ZFYVE9: variants seen among roughly 807,000 people sequenced by gnomAD.
ZFYVE9 encodes the protein zinc finger FYVE domain-containing protein 9.
In ZFYVE9, 43 loss-of-function variants were observed where a neutral mutation model predicts 126.7. The ratio of observed to expected loss-of-function variants is 0.34; its 90% CI spans 0.27 to 0.44. The LOEUF (loss-of-function observed/expected upper bound fraction) is 0.44, where lower values mean the gene tolerates loss of function less well. ZFYVE9 is among the 20% of genes least tolerant of loss of function. The pLI is 1.00. For synonymous variants in ZFYVE9, 521 were observed against 597.4 expected (o/e 0.87, Z 1.87); for missense variants, 1,476 against 1,697.0 (o/e 0.87, Z 2.29).
At chr1:52,279,847 G>C (rs1645784693) in intron 9 of ZFYVE9, among the ~76,000 whole-genome samples, 1 of 152,008 alleles carries the variant, frequency 6.6e-6, no homozygotes, top group South Asian at 2.1e-4. Flanking sequence ...AGAACCTCTG[G>C]GGAACCATCC....
intron 1 of ZFYVE9, chr1:52,179,972 A>G (rs1019387954): frequency 1.0e-5 from 10 of 984,806 alleles, no homozygotes; most frequent in Non-Finnish European, 1.1e-5. Context: ...CAGTCGTGAC[A>G]ACATAGGAAG....
intron 13 of ZFYVE9, among the ~76,000 whole-genome samples, chr1:52,309,638 G>T (rs1350365724): frequency 6.6e-6 from 1 of 152,184 alleles, no homozygotes; most frequent in Non-Finnish European, 1.5e-5. Context: ...TGATGGCTTT[G>T]TGGGATGTGA....
intron 2 of ZFYVE9, among the ~76,000 whole-genome samples, chr1:52,231,895 G>A (rs1281957262): frequency 1.3e-5 from 2 of 152,124 alleles, no homozygotes; most frequent in Non-Finnish European, 2.9e-5. Flanking sequence ...GCAAAGTGCT[G>A]GAATTACAGG....
intron 4 of ZFYVE9, among the ~76,000 whole-genome samples, chr1:52,251,066 GTTTGTTTTTTGT>G (rs1245153191): frequency 6.7e-6 from 1 of 149,308 alleles, no homozygotes; most frequent in African/African-American, 2.5e-5. Flanking sequence ...GTTGTTGTTT[GTTTGTTTTTTGT>G]TTTTCTTTTT....
chr1:52,282,805 T>C (rs1165697380), intron 10 of ZFYVE9, among the ~76,000 whole-genome samples: 1 of 152,228 alleles, frequency 6.6e-6, no homozygotes, highest in Non-Finnish European at 1.5e-5. Context: ...GTTATACTTA[T>C]TAGATGTGAG....
At chr1:52,151,121 CA>C (rs1644353031) in intron 1 of ZFYVE9, among the ~76,000 whole-genome samples, 1 of 151,926 alleles carries the variant, frequency 6.6e-6, no homozygotes, top group Admixed American at 6.6e-5. Flanking sequence ...ATACAGCCTT[CA>C]TGATTTGGTT....
At chr1:52,322,320 C>A (rs1646248070) in intron 13 of ZFYVE9, among the ~76,000 whole-genome samples, 1 of 151,436 alleles carries the variant, frequency 6.6e-6, no homozygotes, top group African/African-American at 2.4e-5. Flanking sequence ...CCTAACTGGT[C>A]TTCCTATTAG....
At chr1:52,170,516 C>T (rs1412134206) in intron 1 of ZFYVE9, among the ~76,000 whole-genome samples, 2 of 151,578 alleles carry the variant, frequency 1.3e-5, no homozygotes, top group Admixed American at 6.6e-5. Context: ...TTCTTTTCTT[C>T]TAATTTTGGG....
chr1:52,191,487 T>TA (rs1489571389), intron 1 of ZFYVE9, among the ~76,000 whole-genome samples: 8 of 152,260 alleles, frequency 5.3e-5, no homozygotes. Context: ...CTTTTACTGA[T>TA]ACTTCTTTGA....
chr1:52,157,394 CTTTTTT>C (rs71579908), intron 1 of ZFYVE9, among the ~76,000 whole-genome samples: 27 of 58,460 alleles, frequency 4.6e-4, no homozygotes, highest in Admixed American at 4.0e-3. Context: ...ACCATATTCT[CTTTTTT>C]TTTTTTTTTT....
At chr1:52,176,157 T>G (rs1244680652) in intron 1 of ZFYVE9, among the ~76,000 whole-genome samples, 1 of 152,250 alleles carries the variant, frequency 6.6e-6, no homozygotes. Context: ...ATGATGGTGA[T>G]GTACAGATGG....
At chr1:52,291,932 G>A (rs1645924589) in intron 10 of ZFYVE9, among the ~76,000 whole-genome samples, 1 of 145,172 alleles carries the variant, frequency 6.9e-6, no homozygotes, top group Non-Finnish European at 1.5e-5. Context: ...TATGAATTTA[G>A]ATAAGCCCTA....
At position 52,340,371 on chromosome 1, in the gene ZFYVE9, C is replaced by G. The variant is rs1646424527; in HGVS notation, c.3939+140C>G. The G allele has an allele frequency of 3.2e-5, 21 of 649,668 alleles. No individual in the cohort carries two copies. In the South Asian group the frequency reaches 4.2e-4, roughly 13 times the overall value. The allele number at this position is 649,668 out of a possible 1,614,324, so 40.2% of individuals were successfully genotyped here. A position where few individuals can be genotyped will look rare whatever the true frequency, so the allele number is the denominator to read the frequency against. On this transcript the variant is annotated intron_variant, in intron 17 of 18. Coordinates refer to ENST00000287727, the MANE Select transcript of ZFYVE9 (RefSeq NM_004799.4). ...ATCTTTCTCGTTTATACTACAATTC[C>G]TATCTGAAATCACCAGGAAGAAATG...
intron 4 of ZFYVE9, among the ~76,000 whole-genome samples, chr1:52,260,662 C>T (rs1335219917): frequency 6.6e-6 from 1 of 151,960 alleles, no homozygotes; most frequent in Non-Finnish European, 1.5e-5. Flanking sequence ...ACTAAAAATA[C>T]AAAAATTAGC....
At chr1:52,209,195 G>T (rs943003195) in intron 1 of ZFYVE9, among the ~76,000 whole-genome samples, 19 of 152,170 alleles carry the variant, frequency 1.2e-4, no homozygotes, top group Non-Finnish European at 1.8e-4. Flanking sequence ...CTCAGACCTA[G>T]ATCAGAAGGA....
chr1:52,203,220 T>TC (rs1341511023), intron 1 of ZFYVE9, among the ~76,000 whole-genome samples: 5 of 151,160 alleles, frequency 3.3e-5, no homozygotes, highest in Non-Finnish European at 7.4e-5. Flanking sequence ...CTCACTCTTT[T>TC]GCCCAGACTG....
Position 52,266,847 on chromosome 1 carries a change from C to T in ZFYVE9, c.2455+16C>T, listed in dbSNP as rs2147800995. 5 of 1,557,518 alleles carry T rather than the reference C, an allele frequency of 3.2e-6. No individual in the cohort carries two copies. The highest frequency in any genetic ancestry group is 4.3e-6 in the Non-Finnish European group (5 of 1,154,360). ...GGAGCAGAAGGTAGGGGATCATGTG[C>T]TATTCTCTCTCTTTTTCCTCACGAA... On this transcript the variant is annotated intron_variant, in intron 6 of 18. Coordinates refer to ENST00000287727, the MANE Select transcript of ZFYVE9 (RefSeq NM_004799.4).
intron 13 of ZFYVE9, among the ~76,000 whole-genome samples, chr1:52,325,277 G>A (rs1646279967): frequency 6.6e-6 from 1 of 152,074 alleles, no homozygotes; most frequent in African/African-American, 2.4e-5. Flanking sequence ...GCAGTGAGCC[G>A]AGACTGCACC....
intron 11 of ZFYVE9, among the ~76,000 whole-genome samples, chr1:52,295,231 A>G (rs967582149): frequency 6.6e-6 from 1 of 152,172 alleles, no homozygotes; most frequent in East Asian, 1.9e-4. Context: ...TTGTTGGAAA[A>G]AGAAAAAGTG....
Sources: gnomAD v4.1 joint callset for allele counts (sites outside exome capture counted in the v4.1 genomes callset) on GRCh38, gnomAD v4.1.1 for gene constraint, MANE v1.5 for transcripts, NCBI Gene and HGNC (gene_info 2026-07-23, HGNC 2026-07-21) for gene names.